Variants in INPP5B observed in about 807,000 individuals in gnomAD.
The protein encoded by INPP5B is inositol polyphosphate-5-phosphatase B.
In INPP5B, 90 loss-of-function variants were observed where a neutral mutation model predicts 118.5. That is an observed-to-expected ratio of 0.76 (90% confidence interval 0.64 to 0.90). INPP5B has a LOEUF of 0.90. Ranked by LOEUF, INPP5B falls within the 40% of genes least tolerant of loss-of-function variation. INPP5B has a pLI of 0.00. For synonymous variants in INPP5B, 385 were observed against 418.9 expected (o/e 0.92, Z 0.99); for missense variants, 984 against 1,125.6 (o/e 0.87, Z 1.80).
chr1:37,938,267 T>C (rs1429915937), intron 6 of INPP5B, among the ~76,000 whole-genome samples: 1 of 74,304 alleles, frequency 1.3e-5, no homozygotes, highest in Non-Finnish European at 2.8e-5. Flanking sequence ...AGACTCTGTC[T>C]CAAAAATAAA....
rs183538427 is a variant in INPP5B at position 37,909,565 on chromosome 1, C to T, written c.533-18111G>A. ...TCCCAAATCAGTTAGCGTTTAGGCT[C>T]TTTTTCATCAAATATGAAAACCCAG... is the stretch of plus-strand genomic sequence containing the variant. On this transcript the variant is annotated intron_variant, in intron 7 of 23. Coordinates refer to ENST00000373024, the MANE Select transcript of INPP5B (RefSeq NM_005540.3). 2.0e-3 allele frequency among the ~76,000 whole-genome samples: 300 copies of T among 152,272 alleles called. 2 individuals are homozygous for T. Among genetic ancestry groups the T allele is most frequent in the African/African-American group, 6.9e-3 (285 of 41,550 alleles).
At chr1:37,896,533 G>A (rs1471192685) in intron 7 of INPP5B, among the ~76,000 whole-genome samples, 19 of 136,660 alleles carry the variant, frequency 1.4e-4, no homozygotes, top group East Asian at 2.4e-4. Context: ...GCCTCTGCCC[G>A]GCCGCCCCTA....
intron 5 of INPP5B, chr1:37,941,958 A>AAAAAAATATATAT (rs1427344681): frequency 3.3e-5 from 1 of 30,392 alleles, no homozygotes; most frequent in Non-Finnish European, 6.6e-5. Flanking sequence ...AAAAAAAAAA[A>AAAAAAATATATAT]ATATATATAT....
intron 3 of INPP5B, among the ~76,000 whole-genome samples, chr1:37,944,853 A>T (rs534755065): frequency 6.6e-6 from 1 of 152,222 alleles, no homozygotes; most frequent in East Asian, 1.9e-4. Context: ...TCCTAGGCTC[A>T]AGCAATCTTC....
chr1:37,898,468 G>C (rs557749243), intron 7 of INPP5B, among the ~76,000 whole-genome samples: 3 of 152,172 alleles, frequency 2.0e-5, no homozygotes, highest in Non-Finnish European at 4.4e-5. Context: ...GGCCGAGGCG[G>C]GTGGATCACG....
chr1:37,945,950 G>T, intron 2 of INPP5B, 100 bp from the exon 3 acceptor site: 1 of 1,109,408 alleles, frequency 9.0e-7, no homozygotes, highest in Non-Finnish European at 1.3e-6. Flanking sequence ...CAGATTCACT[G>T]TGTGGCCTTG....
At chr1:37,894,815 T>G (rs1643964501) in intron 7 of INPP5B, among the ~76,000 whole-genome samples, 1 of 152,196 alleles carries the variant, frequency 6.6e-6, no homozygotes, top group Admixed American at 6.5e-5. Flanking sequence ...GTGCTGGGAT[T>G]ACGGGCATGA....
rs942493633 is a variant in INPP5B at position 37,865,612 on chromosome 1, A to C, written c.2514+149T>G. The C allele has an allele frequency of 2.3e-5, 19 of 833,154 alleles. No homozygotes were observed. The African/African-American group carries it at 3.1e-4, about 14-fold the overall frequency. The allele number at this position is 833,154 out of a possible 1,614,324, so 51.6% of individuals were successfully genotyped here. On this transcript the variant is annotated intron_variant, in intron 22 of 23. Coordinates refer to ENST00000373024, the MANE Select transcript of INPP5B (RefSeq NM_005540.3). ...ATTAAGGGTGATGCCATTAAAAGAA[A>C]CAAAGACATAAGAGAAAGAGCAGGT...
chr1:37,875,677 C>T lies in INPP5B; in HGVS notation c.1717G>A (p.Glu573Lys). The change falls in exon 17 of 24, where the codon GAG (glutamate) becomes AAG (lysine). Residue 573 changes from glutamate (E) to lysine (K), a missense_variant. Physicochemically the swap from Glu to Lys is moderately conservative, Grantham distance 56. Transcript: ENST00000373024. ...TTATCCAGGGAGCGAACAATTTCCT[C>T]CAGTGTCTTCCGGTAAAGCTCGTCA... The part of the protein sequence containing the change: ...VNDELYRKTL[E>K]EIVRSLDKME... 1 of 1,614,138 alleles carries T rather than the reference C, an allele frequency of 6.2e-7. No individual in the cohort carries two copies. The highest frequency in any genetic ancestry group is 8.5e-7 in the Non-Finnish European group (1 of 1,179,986).
In INPP5B at chr1:37,943,879, G is replaced by A. The variant is rs375496963; in HGVS notation, c.167C>T (p.Thr56Met). 34 of 1,613,294 alleles carry A rather than the reference G, an allele frequency of 2.1e-5. No individual in the cohort carries two copies. In the Middle Eastern group the frequency reaches 4.9e-4, roughly 23 times the overall value. ...GGQEHALFLY[T>M]HRRMAITGDD... The stretch of plus-strand genomic sequence containing the variant: ...CCCGGTAATGGCCATCCTCCGGTGC[G>A]TATAGAGGAAGAGACTAAGGGCAGG... The change falls in exon 4 of 24, where the codon ACG (threonine) becomes ATG (methionine). Residue 56 changes from threonine to methionine, a missense_variant. Thr to Met is a moderately conservative substitution (Grantham distance 81). Around this residue, in one of 2 missense-constraint regions of INPP5B, gnomAD observed 350 missense variants for 334.6 expected, o/e 1.05. Transcript: ENST00000373024.
chr1:37,942,026 T>C (rs1645948681), intron 5 of INPP5B: 1 of 140,468 alleles, frequency 7.1e-6, no homozygotes. Flanking sequence ...ATTCTCTAAG[T>C]TTGAATCTTG....
At chr1:37,890,238 G>A (rs905439607) in intron 8 of INPP5B, among the ~76,000 whole-genome samples, 5 of 152,118 alleles carry the variant, frequency 3.3e-5, no homozygotes, top group African/African-American at 1.2e-4. Context: ...AGCTGGGTGT[G>A]GTGGCACATG....
intron 6 of INPP5B, among the ~76,000 whole-genome samples, chr1:37,937,775 A>C (rs1438374368): frequency 5.9e-5 from 9 of 151,374 alleles, no homozygotes; most frequent in Non-Finnish European, 8.8e-5. Flanking sequence ...TCAAAAAATA[A>C]AATAAAATAA....
At chr1:37,862,569 T>TA (rs1182035043) in intron 23 of INPP5B, 139 bp from the exon 24 acceptor site, 3 of 650,400 alleles carry the variant, frequency 4.6e-6, no homozygotes, top group African/African-American at 1.8e-5. Context: ...AGCGTGTACT[T>TA]AAACTTTCAC....
intron 18 of INPP5B, 66 bp from the exon 19 acceptor site, chr1:37,873,231 G>A (rs1642578778): frequency 9.0e-7 from 1 of 1,116,324 alleles, no homozygotes; most frequent in Non-Finnish European, 1.4e-6. Context: ...AAAGAAGGCA[G>A]GAGGGAAGAG....
intron 7 of INPP5B, among the ~76,000 whole-genome samples, chr1:37,924,359 G>A (rs984201208): frequency 2.3e-4 from 35 of 151,150 alleles, no homozygotes; most frequent in Non-Finnish European, 3.0e-5. Flanking sequence ...AGTAGAAACA[G>A]GGTTTCGCCA....
chr1:37,862,482 GAC>G lies in INPP5B; in HGVS notation c.2627-54_2627-53del, dbSNP rs75096724. The G allele has an allele frequency of 0.11, 119,774 of 1,084,168 alleles. 8,389 individuals are homozygous for G. Among genetic ancestry groups the G allele is most frequent in the Middle Eastern group, 0.23 (1,169 of 4,986 alleles). 67.2% of individuals were successfully genotyped at this position (1,084,168 alleles called of 1,614,324 possible). A position where few individuals can be genotyped will look rare whatever the true frequency, so the allele number is the denominator to read the frequency against. On this transcript the variant is annotated intron_variant, in intron 23 of 23. Transcript: ENST00000373024. ...TGATTCAGCAAAAGAAGGTACTAAA[GAC>G]ACACATCACTTAACGACAGGGATAT...
chr1:37,937,587 TA>T (rs1349682622), intron 6 of INPP5B, among the ~76,000 whole-genome samples: 1 of 151,584 alleles, frequency 6.6e-6, no homozygotes, highest in Non-Finnish European at 1.5e-5. Flanking sequence ...GCCAACATGG[TA>T]AAACCTGTCT....
rs919209661 is a variant in INPP5B at position 37,883,682 on chromosome 1, G to C, written c.1320-764C>G. The C allele has an allele frequency of 1.8e-5, 18 of 985,380 alleles. No individual in the cohort carries two copies. In the African/African-American group the frequency reaches 2.6e-4, roughly 14 times the overall value. The allele number at this position is 985,380 out of a possible 1,614,324, so 61.0% of individuals were successfully genotyped here. ...CGACCTCACAAACTAGGATGCTGCA[G>C]GTTCACCAGAATGGAAGAGCTCGGC... On this transcript the variant is annotated intron_variant, in intron 13 of 23. Coordinates refer to ENST00000373024, the MANE Select transcript of INPP5B (RefSeq NM_005540.3).
Sources: allele counts gnomAD v4.1 joint callset (sites outside exome capture counted in the v4.1 genomes callset), GRCh38; gene constraint gnomAD v4.1.1; regional missense constraint gnomAD v4.1.1; transcripts MANE v1.5; gene names NCBI Gene and HGNC (gene_info 2026-07-23, HGNC 2026-07-21).